The following PHF2 variants were observed in gnomAD, a reference collection of about 807,000 sequenced individuals.
PHF2 encodes lysine-specific demethylase PHF2.
Under a neutral mutation model 120.5 loss-of-function variants are expected in PHF2, and 27 were observed. The observed-to-expected ratio is 0.22, with a 90% CI of 0.17 to 0.31. The LOEUF (loss-of-function observed/expected upper bound fraction) is 0.31. PHF2 is among the 10% of genes least tolerant of loss of function. PHF2 has a pLI of 1.00. For missense variants in PHF2, 1,024 were observed against 1,434.8 expected (o/e 0.71, Z 4.63); for synonymous variants, 568 against 592.5 (o/e 0.96, Z 0.60).
chr9:93,667,172 G>A lies in PHF2; in HGVS notation c.2280G>A (p.Ser760=), dbSNP rs374331864. ...GAGTCAAGAAGGAGAGTGGGAGCTC[G>A]GCAGCTGGCATCTTGGACCTGCTGC... ...NARVKKESGS[S]AAGILDLLQA... The change falls in exon 17 of 22, where the codon TCG becomes TCA. Residue 760 remains serine, a synonymous_variant. Transcript: ENST00000359246. 8.8e-5 allele frequency: 142 copies of A among 1,612,906 alleles called. No homozygotes were observed. The highest frequency in any genetic ancestry group is 1.1e-4 in the Non-Finnish European group (130 of 1,179,950).
chr9:93,662,775 C>T lies in PHF2; in HGVS notation c.1699-132C>T, dbSNP rs569271993. ...ACATCGATGGGTGGGTGAATGGATGCGTGGATGGGTAGATGGATGGAGGCT... is the reference window on the plus strand; with the variant it reads ...ACATCGATGGGTGGGTGAATGGATGTGTGGATGGGTAGATGGATGGAGGCT... On this transcript the variant is annotated intron_variant, in intron 12 of 21. Transcript: ENST00000359246. The T allele has an allele frequency of 3.4e-5, 32 of 954,788 alleles. No homozygotes were observed. The African/African-American group carries it at 3.9e-4, about 12-fold the overall frequency. The allele number at this position is 954,788 out of a possible 1,614,324, so 59.1% of individuals were successfully genotyped here.
intron 2 of PHF2, among the ~76,000 whole-genome samples, chr9:93,635,372 A>G (rs1467018966): frequency 1.3e-5 from 2 of 151,156 alleles, no homozygotes; most frequent in East Asian, 3.9e-4. Context: ...TGCGCCCCCC[A>G]CCTTGCCTTT....
intron 1 of PHF2, among the ~76,000 whole-genome samples, chr9:93,582,976 T>G (rs528950132): frequency 1.3e-5 from 2 of 152,208 alleles, no homozygotes; most frequent in Non-Finnish European, 2.9e-5. Context: ...GTCTTCATAG[T>G]GTTGAGCAAC....
At chr9:93,676,513 C>T in intron 20 of PHF2, 81 bp from the exon 21 acceptor site, 1 of 1,507,842 alleles carries the variant, frequency 6.6e-7, no homozygotes, top group Non-Finnish European at 8.9e-7. Context: ...GGGCCCCTGG[C>T]AAGGCCATGC....
At chr9:93,618,862 T>TC in intron 1 of PHF2, among the ~76,000 whole-genome samples, 1 of 137,906 alleles carries the variant, frequency 7.3e-6, no homozygotes, top group African/African-American at 2.7e-5. Flanking sequence ...GTGTGTGGTG[T>TC]TCGTGTGTCT....
intron 1 of PHF2, among the ~76,000 whole-genome samples, chr9:93,579,090 G>C (rs61636268): frequency 0.022 from 3,343 of 152,286 alleles, 119 homozygotes; most frequent in African/African-American, 0.075. Context: ...GGGGTTGGTG[G>C]TGTTGGTACA....
At chr9:93,660,704 C>A in intron 12 of PHF2, 144 bp downstream of exon 12, 1 of 756,120 alleles carries the variant, frequency 1.3e-6, no homozygotes, top group Non-Finnish European at 2.0e-6. Context: ...TGGGCTCTTG[C>A]TGTGGGCTTG....
intron 9 of PHF2, 28 bp from the exon 10 acceptor site, chr9:93,658,117 C>A (rs942945803): frequency 1.3e-6 from 2 of 1,525,304 alleles, no homozygotes; most frequent in Non-Finnish European, 1.8e-6. Flanking sequence ...CAGGCACCCA[C>A]CCACCTCACC....
intron 3 of PHF2, among the ~76,000 whole-genome samples, chr9:93,639,328 G>A (rs1328110821): frequency 6.6e-6 from 1 of 151,852 alleles, no homozygotes; most frequent in Non-Finnish European, 1.5e-5. Context: ...ATTCTTTTTG[G>A]TGCTTTTGTC....
At chr9:93,654,110 C>G (rs1419590869) in intron 6 of PHF2, among the ~76,000 whole-genome samples, 1 of 152,184 alleles carries the variant, frequency 6.6e-6, no homozygotes, top group Non-Finnish European at 1.5e-5. Flanking sequence ...AGTGGAGCTA[C>G]CTGGAATGCT....
At chr9:93,587,679 C>T (rs1276803947) in intron 1 of PHF2, among the ~76,000 whole-genome samples, 1 of 152,094 alleles carries the variant, frequency 6.6e-6, no homozygotes. Context: ...TTGCCAGGCA[C>T]TGCTTCTGCC....
chr9:93,657,336 C>T (rs994436911), intron 9 of PHF2, among the ~76,000 whole-genome samples: 4 of 152,200 alleles, frequency 2.6e-5, no homozygotes, highest in Non-Finnish European at 2.9e-5. Flanking sequence ...TCCTTAGTCA[C>T]GGCTGGCCAG....
intron 1 of PHF2, among the ~76,000 whole-genome samples, chr9:93,608,353 C>T (rs1334147247): frequency 2.0e-5 from 3 of 148,358 alleles, no homozygotes; most frequent in Admixed American, 6.7e-5. Flanking sequence ...TTTTGTACAT[C>T]GTTGGTTTTT....
In PHF2 at chr9:93,667,115, C is replaced by T. The variant is rs751699994; in HGVS notation, c.2223C>T (p.Ile741=). 11 of 1,613,082 alleles carry T rather than the reference C, an allele frequency of 6.8e-6. No individual in the cohort carries two copies. The highest frequency in any genetic ancestry group is 2.2e-5 in the East Asian group (1 of 44,884). ...DDSSDEGSLH[I]DTDTKPGRNA... Reference sequence around the variant, plus strand: ...CCTCGGACGAGGGTTCGCTGCACATCGACACAGACACCAAGCCCGGCCGCA... The same window carrying T: ...CCTCGGACGAGGGTTCGCTGCACATTGACACAGACACCAAGCCCGGCCGCA... The change falls in exon 17 of 22, where the codon ATC becomes ATT. Residue 741 remains isoleucine (I), a synonymous_variant. Transcript: ENST00000359246.
chr9:93,623,542 A>T (rs1825858125), intron 1 of PHF2, among the ~76,000 whole-genome samples: 1 of 152,182 alleles, frequency 6.6e-6, no homozygotes, highest in African/African-American at 2.4e-5. Context: ...AACTTCATGA[A>T]GGAAGAATAT....
intron 3 of PHF2, among the ~76,000 whole-genome samples, chr9:93,644,636 C>T (rs763779089): frequency 3.9e-5 from 6 of 152,148 alleles, no homozygotes; most frequent in Non-Finnish European, 8.8e-5. Flanking sequence ...CAACTGTGCC[C>T]ATCCCATAGA....
At chr9:93,634,463 G>A (rs976674036) in intron 2 of PHF2, among the ~76,000 whole-genome samples, 7 of 152,126 alleles carry the variant, frequency 4.6e-5, no homozygotes, top group South Asian at 2.1e-4. Flanking sequence ...AGCATCTATC[G>A]CTTGGGTAAC....
In PHF2 at chr9:93,675,677, C is replaced by T. The variant is rs761127684; in HGVS notation, c.2723-3C>T. ...TGAGGGGGCTGGCCCTTCTTTTCCA[C>T]AGCAAGGGTCGGCCCATCGGTGCCA... On this transcript the variant is annotated splice_region_variant and splice_polypyrimidine_tract_variant and intron_variant, in intron 19 of 21. Coordinates refer to ENST00000359246, the MANE Select transcript of PHF2 (RefSeq NM_005392.4). 12 of 1,608,842 alleles carry T rather than the reference C, an allele frequency of 7.5e-6. No individual in the cohort carries two copies. Among genetic ancestry groups the T allele is most frequent in the African/African-American group, 1.3e-5 (1 of 74,952 alleles).
chr9:93,639,943 C>T (rs757385183), intron 3 of PHF2, among the ~76,000 whole-genome samples: 19 of 152,214 alleles, frequency 1.2e-4, no homozygotes, highest in African/African-American at 7.2e-5. Context: ...ATATCACAGA[C>T]TGTTCTTACT....
Sources: gnomAD v4.1 joint callset for allele counts (sites outside exome capture counted in the v4.1 genomes callset) on GRCh38, gnomAD v4.1.1 for gene constraint, MANE v1.5 for transcripts, NCBI Gene and HGNC (gene_info 2026-07-23, HGNC 2026-07-21) for gene names.